DCC: variants seen among roughly 807,000 people sequenced by gnomAD.
The protein encoded by DCC is DCC netrin 1 receptor, also known as netrin receptor DCC.
Under a neutral mutation model 172.5 loss-of-function variants are expected in DCC, and 58 were observed. The observed-to-expected ratio is 0.34, with a 90% confidence interval of 0.27 to 0.42. DCC has a LOEUF of 0.42. Among genes scored for constraint, DCC ranks in the 10% least tolerant of loss-of-function variants. The pLI is 1.00. For missense variants in DCC, 1,740 were observed against 1,791.0 expected (o/e 0.97, Z 0.51); for synonymous variants, 709 against 644.5 (o/e 1.10, Z -1.52).
intron 1 of DCC, among the ~76,000 whole-genome samples, chr18:52,655,984 GTGTATA>G (rs2035236913): frequency 8.7e-6 from 1 of 114,362 alleles, no homozygotes; most frequent in Non-Finnish European, 1.9e-5. Flanking sequence ...GTGTGTGTGT[GTGTATA>G]TATATATGTG....
At chr18:52,525,086 T>A (rs576786588) in intron 1 of DCC, among the ~76,000 whole-genome samples, 2 of 152,212 alleles carry the variant, frequency 1.3e-5, no homozygotes, top group South Asian at 4.2e-4. Context: ...TATCCTCATA[T>A]ATATATCCTT....
intron 24 of DCC, among the ~76,000 whole-genome samples, chr18:53,467,423 G>GT (rs985885948): frequency 3.3e-5 from 5 of 151,918 alleles, no homozygotes; most frequent in African/African-American, 4.8e-5. Context: ...TTTCTTGTGG[G>GT]TTTTTTGTAA....
chr18:52,379,153 A>C (rs1432205475), intron 1 of DCC, among the ~76,000 whole-genome samples: 1 of 151,928 alleles, frequency 6.6e-6, no homozygotes, highest in Non-Finnish European at 1.5e-5. Flanking sequence ...TTATTCACAG[A>C]CTCATTTAGC....
At chr18:53,214,022 A>G (rs913598908) in intron 11 of DCC, among the ~76,000 whole-genome samples, 11 of 151,898 alleles carry the variant, frequency 7.2e-5, no homozygotes, top group African/African-American at 2.7e-4. Context: ...TGTGCCTTCA[A>G]CTCTTCCTGA....
chr18:53,230,382 A>T (rs1422513523), intron 12 of DCC, among the ~76,000 whole-genome samples: 2 of 152,092 alleles, frequency 1.3e-5, no homozygotes. Context: ...TTCAAAAATG[A>T]AATGATCAGA....
chr18:52,864,561 G>A (rs1056287968), intron 2 of DCC, among the ~76,000 whole-genome samples: 1 of 151,946 alleles, frequency 6.6e-6, no homozygotes, highest in Non-Finnish European at 1.5e-5. Flanking sequence ...ATATGTGCAG[G>A]TTTGTTACAT....
intron 5 of DCC, among the ~76,000 whole-genome samples, chr18:52,975,528 T>A (rs1449598218): frequency 6.6e-6 from 1 of 152,152 alleles, no homozygotes; most frequent in Non-Finnish European, 1.5e-5. Context: ...CACCCTCTGA[T>A]AGGCCCCAGT....
intron 5 of DCC, among the ~76,000 whole-genome samples, chr18:52,926,740 A>T (rs1274312948): frequency 6.6e-6 from 1 of 150,682 alleles, no homozygotes; most frequent in Non-Finnish European, 1.5e-5. Context: ...TGAGATAAAC[A>T]TATGCAAATA....
chr18:52,939,311 T>G (rs1406609014), intron 5 of DCC, among the ~76,000 whole-genome samples: 1 of 152,180 alleles, frequency 6.6e-6, no homozygotes, highest in African/African-American at 2.4e-5. Flanking sequence ...ATGGGGGTTG[T>G]CCTTGTCCAT....
chr18:52,767,147 G>T (rs889666232), intron 2 of DCC, among the ~76,000 whole-genome samples: 17 of 146,636 alleles, frequency 1.2e-4, no homozygotes, highest in African/African-American at 4.7e-4. Flanking sequence ...TCTTTTTAAA[G>T]TTCTTAGCAC....
intron 12 of DCC, among the ~76,000 whole-genome samples, chr18:53,242,517 C>T (rs1196510926): frequency 2.0e-5 from 3 of 152,146 alleles, no homozygotes; most frequent in Non-Finnish European, 2.9e-5. Context: ...TAGATACCTA[C>T]TACTGTAAGC....
chr18:53,000,843 T>C (rs7237308), intron 5 of DCC, among the ~76,000 whole-genome samples: 100,762 of 151,678 alleles, frequency 0.66, 33,861 homozygotes, highest in Non-Finnish European at 0.72. Flanking sequence ...TATAAACTTA[T>C]ACTTGAATGC....
chr18:53,285,423 A>G (rs527912904), intron 12 of DCC, among the ~76,000 whole-genome samples: 2 of 152,324 alleles, frequency 1.3e-5, no homozygotes, highest in South Asian at 2.1e-4. Flanking sequence ...AGAAGCCCCA[A>G]ACCTTGGAAG....
intron 1 of DCC, among the ~76,000 whole-genome samples, chr18:52,473,191 A>T (rs1988995855): frequency 6.6e-6 from 1 of 152,204 alleles, no homozygotes; most frequent in South Asian, 2.1e-4. Context: ...CAAAACAGGC[A>T]GGCTCTGGTC....
At chr18:53,068,932 G>A (rs185671753) in intron 7 of DCC, among the ~76,000 whole-genome samples, 87 of 152,148 alleles carry the variant, frequency 5.7e-4, no homozygotes, top group Middle Eastern at 3.4e-3. Flanking sequence ...GAAAGAGGCT[G>A]ACAAATCTAG....
At chr18:52,704,371 G>A (rs1304954531) in intron 1 of DCC, among the ~76,000 whole-genome samples, 4 of 152,092 alleles carry the variant, frequency 2.6e-5, no homozygotes, top group Non-Finnish European at 4.4e-5. Context: ...ACAAATTGGG[G>A]TCCTGACTTA....
chr18:53,000,745 GATA>G (rs1470599365), intron 5 of DCC, among the ~76,000 whole-genome samples: 2 of 151,712 alleles, frequency 1.3e-5, no homozygotes, highest in Admixed American at 1.3e-4. Flanking sequence ...GTCACAGCCA[GATA>G]ATAACAGCTC....
chr18:52,962,780 A>G (rs2040863952), intron 5 of DCC, among the ~76,000 whole-genome samples: 1 of 152,078 alleles, frequency 6.6e-6, no homozygotes. Flanking sequence ...CAGCCATAAA[A>G]AATGATGAGT....
At chr18:53,170,335 T>C (rs946208522) in intron 8 of DCC, among the ~76,000 whole-genome samples, 2 of 152,246 alleles carry the variant, frequency 1.3e-5, no homozygotes, top group Non-Finnish European at 2.9e-5. Flanking sequence ...TTTTCATTAT[T>C]GGAACTTGTT....
Sources: allele counts gnomAD v4.1 joint callset (sites outside exome capture counted in the v4.1 genomes callset), GRCh38; gene constraint gnomAD v4.1.1; transcripts MANE v1.5; gene names NCBI Gene and HGNC (gene_info 2026-07-23, HGNC 2026-07-21).